Variants in ELP4 observed in about 807,000 individuals in gnomAD.
ELP4 encodes elongator acetyltransferase complex subunit 4.
A neutral mutation model predicts 48.9 loss-of-function variants in ELP4; 51 were observed. That is an observed-to-expected ratio of 1.04 (90% CI 0.83 to 1.32). ELP4 has a LOEUF of 1.32. Among genes scored for constraint, ELP4 ranks in the 40% most tolerant of loss-of-function variants. ELP4 has a pLI of 0.00. For missense variants in ELP4, 519 were observed against 514.6 expected, an observed-to-expected ratio of 1.01 and a Z score of -0.08; for synonymous variants, 210 against 189.2, an observed-to-expected ratio of 1.11 and a Z score of -0.90.
At position 31,685,562 on chromosome 11, in the gene ELP4, T is replaced by C. The variant is rs1453808946; in HGVS notation, c.1143+35341T>C. Among the ~76,000 whole-genome samples the C allele has an allele frequency of 2.6e-5, 4 of 152,212 alleles. No homozygotes were observed. In the East Asian group the frequency reaches 7.7e-4, roughly 29 times the overall value. ...GAAGAGTTGAAACTTAACAGATTTG[T>C]ATCCAAACTTTAATAAATTAGTGAA... On this transcript the variant is annotated intron_variant, in intron 9 of 9. Coordinates refer to ENST00000640961, the MANE Select transcript of ELP4 (RefSeq NM_019040.5).
chr11:31,770,227 C>G (rs992712938), intron 9 of ELP4, among the ~76,000 whole-genome samples: 1 of 152,080 alleles, frequency 6.6e-6, no homozygotes, highest in African/African-American at 2.4e-5. Context: ...AGTTGGAGAC[C>G]AGCAAAAAGG....
At chr11:31,688,518 G>C (rs1464911190) in intron 9 of ELP4, among the ~76,000 whole-genome samples, 1 of 152,130 alleles carries the variant, frequency 6.6e-6, no homozygotes, top group African/African-American at 2.4e-5. Context: ...TATTGGAGTA[G>C]AGGAAATTTC....
chr11:31,591,671 G>A (rs1957579198), intron 3 of ELP4, among the ~76,000 whole-genome samples: 2 of 152,222 alleles, frequency 1.3e-5, no homozygotes, highest in Non-Finnish European at 2.9e-5. Flanking sequence ...ATGTAAAATG[G>A]TGCAGCCACT....
At chr11:31,667,514 A>G (rs1453814619) in intron 9 of ELP4, among the ~76,000 whole-genome samples, 2 of 152,202 alleles carry the variant, frequency 1.3e-5, no homozygotes, top group East Asian at 3.8e-4. Context: ...TATTTTTAAC[A>G]AACTTAATCT....
intron 9 of ELP4, among the ~76,000 whole-genome samples, chr11:31,698,136 C>T (rs766114657): frequency 7.9e-5 from 12 of 151,958 alleles, no homozygotes; most frequent in East Asian, 1.9e-4. Context: ...GCGGGGGTGG[C>T]GTGTTAGTCT....
chr11:31,617,475 G>GT (rs2134021748), intron 5 of ELP4, among the ~76,000 whole-genome samples: 1 of 152,022 alleles, frequency 6.6e-6, no homozygotes, highest in African/African-American at 2.4e-5. Context: ...AGCAGTTTCA[G>GT]TTTTACAAGA....
At chr11:31,693,909 T>C (rs936366438) in intron 9 of ELP4, among the ~76,000 whole-genome samples, 1 of 152,192 alleles carries the variant, frequency 6.6e-6, no homozygotes, top group Admixed American at 6.6e-5. Context: ...TCTTTGATGG[T>C]CAGTGATGAT....
chr11:31,576,398 C>A (rs1396017902), intron 3 of ELP4, among the ~76,000 whole-genome samples: 1 of 152,176 alleles, frequency 6.6e-6, no homozygotes, highest in African/African-American at 2.4e-5. Context: ...AGAAAGTTAA[C>A]AAGGATATCC....
chr11:31,595,597 C>T (rs1361626789), intron 4 of ELP4, among the ~76,000 whole-genome samples: 1 of 152,130 alleles, frequency 6.6e-6, no homozygotes, highest in Non-Finnish European at 1.5e-5. Flanking sequence ...TTATCTTTCC[C>T]AAGGATAGAA....
intron 9 of ELP4, among the ~76,000 whole-genome samples, chr11:31,672,911 G>A (rs1592210956): frequency 6.6e-6 from 1 of 152,160 alleles, no homozygotes; most frequent in East Asian, 1.9e-4. Flanking sequence ...GATATTCTAA[G>A]TTTAAGTTGA....
chr11:31,581,766 T>C (rs199522634), intron 3 of ELP4, among the ~76,000 whole-genome samples: 2 of 138,766 alleles, frequency 1.4e-5, no homozygotes, highest in African/African-American at 5.8e-5. Context: ...TTTTTTTTTT[T>C]CTTTTTAGAC....
chr11:31,710,677 G>A (rs114542621), intron 9 of ELP4, among the ~76,000 whole-genome samples: 61 of 151,136 alleles, frequency 4.0e-4, no homozygotes, highest in African/African-American at 1.4e-3. Flanking sequence ...TAGACATGAA[G>A]AGTAAGAATC....
intron 9 of ELP4, among the ~76,000 whole-genome samples, chr11:31,775,034 A>C (rs374321141): frequency 5.3e-5 from 8 of 152,202 alleles, no homozygotes; most frequent in African/African-American, 1.9e-4. Context: ...CCTACCCTGA[A>C]GTCCACATTT....
chr11:31,756,448 T>C (rs1947833551), intron 9 of ELP4, among the ~76,000 whole-genome samples: 1 of 152,178 alleles, frequency 6.6e-6, no homozygotes, highest in South Asian at 2.1e-4. Flanking sequence ...GCATTTGCTG[T>C]TTTTCTTCTT....
At chr11:31,664,855 C>T (rs983777604) in intron 9 of ELP4, among the ~76,000 whole-genome samples, 1 of 152,122 alleles carries the variant, frequency 6.6e-6, no homozygotes. Context: ...ATTTTATTGT[C>T]TCTTTGAAAA....
At chr11:31,752,833 C>CAAAAA (rs35352597) in intron 9 of ELP4, among the ~76,000 whole-genome samples, 1 of 92,754 alleles carries the variant, frequency 1.1e-5, no homozygotes, top group Non-Finnish European at 2.5e-5. Flanking sequence ...GACTCCATCT[C>CAAAAA]AAAAAAAAAA....
chr11:31,623,390 T>TATATATATATATATATATATATATATAA (rs67986763), intron 5 of ELP4, among the ~76,000 whole-genome samples: 1 of 92,582 alleles, frequency 1.1e-5, no homozygotes, highest in Admixed American at 1.2e-4. Context: ...TATATATATA[T>TATATATATATATATATATATATATATAA]AAAACTAGAA....
intron 9 of ELP4, among the ~76,000 whole-genome samples, chr11:31,735,202 C>T (rs1344231903): frequency 6.7e-6 from 1 of 149,826 alleles, no homozygotes; most frequent in Non-Finnish European, 1.5e-5. Context: ...ATTGGATCCT[C>T]ATCTTACACC....
At chr11:31,638,287 A>C (rs1357179347) in intron 7 of ELP4, among the ~76,000 whole-genome samples, 2 of 151,862 alleles carry the variant, frequency 1.3e-5, no homozygotes, top group African/African-American at 2.4e-5. Context: ...GCCAGAGTTT[A>C]ATGTACTTGT....
Sources: gnomAD v4.1 joint callset for allele counts (sites outside exome capture counted in the v4.1 genomes callset) on GRCh38, gnomAD v4.1.1 for gene constraint, MANE v1.5 for transcripts, NCBI Gene and HGNC (gene_info 2026-07-23, HGNC 2026-07-21) for gene names.